Variants in GRM5 observed in about 807,000 individuals in gnomAD.
The protein encoded by GRM5 is glutamate metabotropic receptor 5.
Under a neutral mutation model 83.1 loss-of-function variants are expected in GRM5, and 19 were observed. That is an observed-to-expected ratio of 0.23 (90% CI 0.16 to 0.34). The LOEUF is 0.34. Ranked by LOEUF, GRM5 falls within the 10% of genes least tolerant of loss-of-function variation. The probability of loss-of-function intolerance (pLI) is 1.00; values close to 1 mark genes in which losing one functional copy is unlikely to be tolerated. For missense variants in GRM5, 1,160 were observed against 1,588.3 expected (o/e 0.73, Z 4.58); for synonymous variants, 675 against 633.6 (o/e 1.07, Z -0.98).
intron 2 of GRM5, among the ~76,000 whole-genome samples, chr11:88,892,558 G>A (rs374673694): frequency 9.2e-5 from 14 of 152,002 alleles, no homozygotes; most frequent in African/African-American, 2.4e-4. Flanking sequence ...AAATATTCAC[G>A]CCAAGTATAA....
intron 3 of GRM5, among the ~76,000 whole-genome samples, chr11:88,768,998 C>A (rs1353496119): frequency 6.6e-6 from 1 of 151,954 alleles, no homozygotes; most frequent in Non-Finnish European, 1.5e-5. Context: ...GAGTTGCTGG[C>A]CTAAGTTAAC....
chr11:88,822,515 C>A (rs1943817039), intron 3 of GRM5, among the ~76,000 whole-genome samples: 1 of 152,144 alleles, frequency 6.6e-6, no homozygotes, highest in East Asian at 1.9e-4. Context: ...GTAAGAAGAT[C>A]ATTCCAATTA....
At chr11:89,049,499 A>G (rs1345234471) in intron 1 of GRM5, among the ~76,000 whole-genome samples, 2 of 152,214 alleles carry the variant, frequency 1.3e-5, no homozygotes, top group Non-Finnish European at 2.9e-5. Context: ...TCAGGAATGT[A>G]TGTAAATATC....
chr11:88,647,286 C>A (rs1441624279), intron 4 of GRM5, among the ~76,000 whole-genome samples: 1 of 151,960 alleles, frequency 6.6e-6, no homozygotes, highest in Non-Finnish European at 1.5e-5. Flanking sequence ...TGGCAACAGA[C>A]ATGAATTGAG....
intron 3 of GRM5, among the ~76,000 whole-genome samples, chr11:88,731,692 C>A (rs1292004892): frequency 6.6e-6 from 1 of 151,950 alleles, no homozygotes; most frequent in Non-Finnish European, 1.5e-5. Flanking sequence ...CTGGAGTAGC[C>A]ACCTGACCTA....
At chr11:88,795,118 G>A (rs1446335373) in intron 3 of GRM5, among the ~76,000 whole-genome samples, 1 of 152,190 alleles carries the variant, frequency 6.6e-6, no homozygotes, top group African/African-American at 2.4e-5. Context: ...CCCATTATAT[G>A]AACATGAGAC....
At chr11:88,923,027 T>C (rs187479943) in intron 2 of GRM5, among the ~76,000 whole-genome samples, 1 of 133,534 alleles carries the variant, frequency 7.5e-6, no homozygotes, top group East Asian at 2.2e-4. Context: ...TACAATATGA[T>C]TTCATCTCAC....
intron 3 of GRM5, among the ~76,000 whole-genome samples, chr11:88,658,826 G>C (rs1172858878): frequency 6.6e-6 from 1 of 152,180 alleles, no homozygotes; most frequent in Non-Finnish European, 1.5e-5. Flanking sequence ...GAGAAGTAAT[G>C]AGAGGGTGAG....
chr11:88,709,268 C>T (rs1033348096), intron 3 of GRM5, among the ~76,000 whole-genome samples: 20 of 151,764 alleles, frequency 1.3e-4, no homozygotes, highest in Admixed American at 3.9e-4. Flanking sequence ...ATGTTCAGGG[C>T]CCATGAAGCA....
At position 88,570,581 on chromosome 11, in the gene GRM5, T is replaced by A. The variant is rs1342525624; in HGVS notation, c.1691-2589A>T. On this transcript the variant is annotated intron_variant, in intron 7 of 9. Coordinates refer to ENST00000305447, the MANE Select transcript of GRM5 (RefSeq NM_001143831.3). ...TATATATATATATATATTTTTTTTT[T>A]TTTTTTTTTTTTTTTTGAGACATAG... Among the ~76,000 whole-genome samples the A allele has an allele frequency of 4.0e-3, 433 of 108,590 alleles. 5 individuals carry two copies. The highest frequency in any genetic ancestry group is 0.017 in the African/African-American group (354 of 20,738). 71.2% of individuals were successfully genotyped at this position (108,590 alleles called of 152,430 possible).
At chr11:88,555,152 CAG>C (rs1216176900) in intron 8 of GRM5, among the ~76,000 whole-genome samples, 1 of 152,100 alleles carries the variant, frequency 6.6e-6, no homozygotes, top group African/African-American at 2.4e-5. Context: ...ACTTTTAAAA[CAG>C]AGTTAATAAT....
At position 88,902,261 on chromosome 11, in the gene GRM5, T is replaced by C. The variant is rs369150157; in HGVS notation, c.662-52106A>G. On this transcript the variant is annotated intron_variant, in intron 2 of 9. Coordinates refer to ENST00000305447, the MANE Select transcript of GRM5 (RefSeq NM_001143831.3). ...ACTTGGGATCTGTAGTTAGGATGTC[T>C]AGGTTTAAATCTTACCTTTGCTACT... 7.9e-5 allele frequency among the ~76,000 whole-genome samples: 12 copies of C among 152,156 alleles called. No individual in the cohort carries two copies. In the South Asian group the frequency reaches 2.5e-3, roughly 32 times the overall value.
intron 8 of GRM5, among the ~76,000 whole-genome samples, chr11:88,537,254 G>A (rs1220232749): frequency 7.2e-6 from 1 of 138,198 alleles, no homozygotes; most frequent in Admixed American, 7.6e-5. Context: ...ACTACATAAT[G>A]GTCAAGTGGA....
At chr11:88,800,124 G>A (rs1254340320) in intron 3 of GRM5, among the ~76,000 whole-genome samples, 6 of 152,172 alleles carry the variant, frequency 3.9e-5, no homozygotes, top group African/African-American at 9.6e-5. Flanking sequence ...ACAAAACCTC[G>A]GGGCTGGCAG....
intron 2 of GRM5, among the ~76,000 whole-genome samples, chr11:88,915,218 A>C (rs550677578): frequency 1.3e-5 from 2 of 152,268 alleles, no homozygotes; most frequent in Admixed American, 6.5e-5. Context: ...AGGAGGAGAA[A>C]AGAAAACATC....
intron 2 of GRM5, among the ~76,000 whole-genome samples, chr11:89,038,130 ATC>A (rs1941436362): frequency 1.4e-5 from 2 of 146,412 alleles, no homozygotes; most frequent in African/African-American, 5.3e-5. Context: ...CGACTAGATA[ATC>A]TCTTTCTTTA....
chr11:88,788,576 G>A (rs1356405566), intron 3 of GRM5, among the ~76,000 whole-genome samples: 1 of 152,022 alleles, frequency 6.6e-6, no homozygotes, highest in Admixed American at 6.6e-5. Flanking sequence ...TTCTAATTGA[G>A]AACAGAAACA....
intron 4 of GRM5, among the ~76,000 whole-genome samples, chr11:88,627,282 T>G (rs1335537079): frequency 1.3e-5 from 2 of 152,202 alleles, no homozygotes; most frequent in Non-Finnish European, 2.9e-5. Context: ...ACTTTTCATT[T>G]CCATAAACCC....
chr11:88,673,092 A>C (rs1194843878), intron 3 of GRM5, among the ~76,000 whole-genome samples: 6 of 151,986 alleles, frequency 3.9e-5, no homozygotes, highest in African/African-American at 1.4e-4. Flanking sequence ...AAATGTGAAC[A>C]TGACACAGTC....
Sources: gnomAD v4.1 joint callset for allele counts (sites outside exome capture counted in the v4.1 genomes callset) on GRCh38, gnomAD v4.1.1 for gene constraint, MANE v1.5 for transcripts, NCBI Gene and HGNC (gene_info 2026-07-23, HGNC 2026-07-21) for gene names.